The following LRRC1 variants were observed in gnomAD, a reference collection of about 807,000 sequenced individuals.
LRRC1 encodes leucine rich repeat containing 1.
Under a neutral mutation model 69.9 loss-of-function variants are expected in LRRC1, and 28 were observed. That is an observed-to-expected ratio of 0.40 (90% confidence interval 0.30 to 0.55). LRRC1 has a LOEUF of 0.55. Ranked by LOEUF, LRRC1 falls within the 20% of genes least tolerant of loss-of-function variation. LRRC1 has a pLI of 0.47. For synonymous variants in LRRC1, 236 were observed against 240.2 expected, an observed-to-expected ratio of 0.98 and a Z score of 0.16; for missense variants, 498 against 609.0, an observed-to-expected ratio of 0.82 and a Z score of 1.92.
chr6:53,876,583 A>C (rs1195181467), intron 2 of LRRC1, among the ~76,000 whole-genome samples: 1 of 152,232 alleles, frequency 6.6e-6, no homozygotes, highest in Non-Finnish European at 1.5e-5. Flanking sequence ...ATGGCAGTGC[A>C]GGCATTGAAT....
At chr6:53,811,352 G>T (rs957910160) in intron 1 of LRRC1, among the ~76,000 whole-genome samples, 1 of 152,218 alleles carries the variant, frequency 6.6e-6, no homozygotes, top group South Asian at 2.1e-4. Flanking sequence ...GGCAGGTGAC[G>T]ATGGTGGCTG....
At position 53,865,006 on chromosome 6, in the gene LRRC1, T is replaced by C. The variant is rs142320615; in HGVS notation, c.278-13987T>C. On this transcript the variant is annotated intron_variant, in intron 2 of 13. Coordinates refer to ENST00000370888, the MANE Select transcript of LRRC1 (RefSeq NM_018214.5). ...TGAAAGGAGGCGATTGCGTGTGCAC[T>C]CTTGATACCATGGCAGCCAGCTGGA... is the stretch of plus-strand genomic sequence containing the variant. Among the ~76,000 whole-genome samples the C allele has an allele frequency of 1.2e-4, 18 of 152,240 alleles. 1 individual carries two copies. The highest frequency in any genetic ancestry group is 4.3e-4 in the African/African-American group (18 of 41,486).
Position 53,922,922 on chromosome 6 carries a change from G to A in LRRC1, c.*129G>A, listed in dbSNP as rs1460478709. 4 of 818,406 alleles carry A rather than the reference G, an allele frequency of 4.9e-6. No individual in the cohort carries two copies. The African/African-American group carries it at 6.8e-5, about 14-fold the overall frequency. 50.7% of individuals were successfully genotyped at this position (818,406 alleles called of 1,614,324 possible). ...CGCGCCATCTTCCCGTGGAGTGTGG[G>A]GAAGCTGCTGTCTCCCAGGAAGTGC... On this transcript the variant is annotated 3_prime_UTR_variant, in exon 14 of 14. Coordinates refer to ENST00000370888, the MANE Select transcript of LRRC1 (RefSeq NM_018214.5).
intron 2 of LRRC1, among the ~76,000 whole-genome samples, chr6:53,874,272 C>T (rs934632846): frequency 1.3e-5 from 2 of 151,856 alleles, no homozygotes; most frequent in African/African-American, 2.4e-5. Context: ...GGGCTACAGC[C>T]GAATTTGTAC....
intron 4 of LRRC1, among the ~76,000 whole-genome samples, chr6:53,893,837 A>G (rs1043226233): frequency 3.9e-5 from 6 of 152,170 alleles, no homozygotes; most frequent in Non-Finnish European, 5.9e-5. Flanking sequence ...TTTACTTAGC[A>G]GGATATTATA....
chr6:53,824,136 T>TC (rs372750019), intron 1 of LRRC1, among the ~76,000 whole-genome samples: 36 of 151,728 alleles, frequency 2.4e-4, no homozygotes, highest in African/African-American at 7.7e-4. Flanking sequence ...TTTTTTTTTT[T>TC]ACAACCTCGC....
Position 53,920,736 on chromosome 6 carries a change from A to G in LRRC1, c.1391A>G (p.Glu464Gly). ...RVSAIRFVED[E>G]KDEEDNETRT... ...AGTGCGATCCGATTTGTGGAGGATGAGAAAGATGAAGAAGACAATGAGACG... is the reference window on the plus strand; with the variant it reads ...AGTGCGATCCGATTTGTGGAGGATGGGAAAGATGAAGAAGACAATGAGACG... The change falls in exon 13 of 14, where the codon GAG becomes GGG. Residue 464 changes from glutamate to glycine, a missense_variant. Physicochemically the swap from Glu to Gly is moderately conservative, Grantham distance 98. Coordinates refer to ENST00000370888, the MANE Select transcript of LRRC1 (RefSeq NM_018214.5). The G allele has an allele frequency of 1.2e-6, 2 of 1,614,216 alleles. No homozygotes were observed.
At chr6:53,798,441 C>T (rs546681600) in intron 1 of LRRC1, among the ~76,000 whole-genome samples, 40 of 152,240 alleles carry the variant, frequency 2.6e-4, no homozygotes, top group Non-Finnish European at 5.1e-4. Context: ...TGCAGTGGCA[C>T]GATCTCCACT....
chr6:53,842,262 T>C, intron 2 of LRRC1, 35 bp downstream of exon 2: 1 of 1,429,924 alleles, frequency 7.0e-7, no homozygotes, highest in Non-Finnish European at 9.8e-7. Flanking sequence ...CCTATTTGTC[T>C]CTTCAGATGC....
intron 2 of LRRC1, among the ~76,000 whole-genome samples, chr6:53,842,845 A>T (rs1265460557): frequency 1.3e-5 from 2 of 152,184 alleles, no homozygotes; most frequent in Non-Finnish European, 2.9e-5. Context: ...TTTGTGTGGT[A>T]TATTTGTGAG....
At chr6:53,849,403 C>T (rs1766055465) in intron 2 of LRRC1, among the ~76,000 whole-genome samples, 1 of 152,220 alleles carries the variant, frequency 6.6e-6, no homozygotes, top group African/African-American at 2.4e-5. Context: ...TTTCTGCTCA[C>T]TTTTTAATTA....
Position 53,924,033 on chromosome 6 carries a change from A to G in LRRC1, c.*1240A>G, listed in dbSNP as rs2127444345. On this transcript the variant is annotated 3_prime_UTR_variant, in exon 14 of 14. Transcript: ENST00000370888. ...TCTTTTTTGTATGCTGTGATAAAAG[A>G]GAAATGAAAAGTGCCAGTCACTGTG... 6.5e-6 allele frequency: 1 copy of G among 152,790 alleles called. No homozygotes were observed. Among genetic ancestry groups the G allele is most frequent in the East Asian group, 1.9e-4 (1 of 5,188 alleles). The allele number at this position is 152,790 out of a possible 1,614,324, so 9.5% of individuals were successfully genotyped here. A position where few individuals can be genotyped will look rare whatever the true frequency, so the allele number is the denominator to read the frequency against.
intron 2 of LRRC1, among the ~76,000 whole-genome samples, chr6:53,855,534 A>G (rs1766282247): frequency 6.6e-6 from 1 of 152,206 alleles, no homozygotes; most frequent in African/African-American, 2.4e-5. Context: ...TTGGCACAGC[A>G]GCAAGCACCT....
intron 11 of LRRC1, among the ~76,000 whole-genome samples, chr6:53,915,849 CAG>C (rs1768547471): frequency 6.6e-6 from 1 of 152,126 alleles, no homozygotes; most frequent in Non-Finnish European, 1.5e-5. Flanking sequence ...TTAAAAGTAT[CAG>C]TATAGAAACT....
At chr6:53,872,679 A>G (rs1766928263) in intron 2 of LRRC1, among the ~76,000 whole-genome samples, 1 of 148,116 alleles carries the variant, frequency 6.8e-6, no homozygotes, top group Admixed American at 6.8e-5. Context: ...TATCAGTGGT[A>G]TTTTGACAGC....
intron 8 of LRRC1, among the ~76,000 whole-genome samples, chr6:53,901,691 G>A (rs1311130875): frequency 2.0e-5 from 3 of 152,232 alleles, no homozygotes; most frequent in Non-Finnish European, 4.4e-5. Context: ...ATGTTTCGGT[G>A]CTTGGCTGTG....
intron 2 of LRRC1, among the ~76,000 whole-genome samples, chr6:53,870,410 T>C (rs955342975): frequency 6.6e-6 from 1 of 152,242 alleles, no homozygotes; most frequent in African/African-American, 2.4e-5. Context: ...TATTTTAATG[T>C]GTGGCTTCAT....
chr6:53,869,944 G>C (rs1766828534), intron 2 of LRRC1, among the ~76,000 whole-genome samples: 1 of 152,164 alleles, frequency 6.6e-6, no homozygotes, highest in Admixed American at 6.5e-5. Context: ...TGCCTTTCTT[G>C]TCTAAAGTTT....
chr6:53,828,227 A>G (rs139603931), intron 1 of LRRC1, among the ~76,000 whole-genome samples: 62 of 150,540 alleles, frequency 4.1e-4, no homozygotes, highest in South Asian at 1.7e-3. Context: ...CTTTATTTTC[A>G]TAATTAGAGA....
Sources: allele counts gnomAD v4.1 joint callset (sites outside exome capture counted in the v4.1 genomes callset), GRCh38; gene constraint gnomAD v4.1.1; transcripts MANE v1.5; gene names NCBI Gene and HGNC (gene_info 2026-07-23, HGNC 2026-07-21).